Variants in WNK1 observed in about 807,000 individuals in gnomAD.
WNK1 encodes the protein serine/threonine-protein kinase WNK1.
Under a neutral mutation model 222.8 loss-of-function variants are expected in WNK1, and 38 were observed. That is an observed-to-expected ratio of 0.17 (90% CI 0.13 to 0.22). WNK1 has a LOEUF of 0.22. WNK1 is among the 10% of genes least tolerant of loss of function. WNK1 has a pLI of 1.00. For synonymous variants in WNK1, 1,090 were observed against 1,092.9 expected (o/e 1.00, Z 0.05); for missense variants, 2,348 against 2,918.4 (o/e 0.80, Z 4.50).
At chr12:832,215 A>G (rs1396071683) in intron 4 of WNK1, among the ~76,000 whole-genome samples, 2 of 152,084 alleles carry the variant, frequency 1.3e-5, no homozygotes, top group East Asian at 3.9e-4. Context: ...AGCTGGGACT[A>G]CAGGTGCCCG....
At chr12:877,291 TG>T (rs1311317922) in intron 9 of WNK1, among the ~76,000 whole-genome samples, 1 of 152,110 alleles carries the variant, frequency 6.6e-6, no homozygotes, top group Non-Finnish European at 1.5e-5. Flanking sequence ...TCTTGAACTC[TG>T]GACCGCAGGT....
Position 878,242 on chromosome 12 carries a change from C to A in WNK1, c.2254C>A (p.Gln752Lys), listed in dbSNP as rs772348459. The change falls in exon 10 of 28, where the codon CAA (glutamine) becomes AAA (lysine). Residue 752 changes from glutamine (Q) to lysine (K), a missense_variant. Physicochemically the swap from Gln to Lys is moderately conservative, Grantham distance 53 (BLOSUM62 1). Around this residue, in one of 13 missense-constraint regions of WNK1, gnomAD observed 547 missense variants for 558.3 expected, o/e 0.98. Coordinates refer to ENST00000315939, the MANE Select transcript of WNK1 (RefSeq NM_018979.4). Reference sequence around the variant, plus strand: ...GGGAATACAGCAGACAGCCCCTCCTCAACAGACAGTGCAGTATTCACTTTC... The same window carrying A: ...GGGAATACAGCAGACAGCCCCTCCTAAACAGACAGTGCAGTATTCACTTTC... ...QQGIQQTAPP[Q>K]QTVQYSLSQT... The A allele has an allele frequency of 1.9e-5, 30 of 1,614,024 alleles. No individual in the cohort carries two copies. The highest frequency in any genetic ancestry group is 2.4e-5 in the Non-Finnish European group (28 of 1,180,024).
At chr12:810,812 C>A (rs1179076833) in intron 1 of WNK1, among the ~76,000 whole-genome samples, 1 of 152,136 alleles carries the variant, frequency 6.6e-6, no homozygotes, top group African/African-American at 2.4e-5. Context: ...AGTGGATAAT[C>A]TACTGAGCAC....
chr12:903,109 T>G (rs1198955315), intron 26 of WNK1, among the ~76,000 whole-genome samples: 1 of 152,222 alleles, frequency 6.6e-6, no homozygotes, highest in Non-Finnish European at 1.5e-5. Flanking sequence ...AACTGCCATT[T>G]CCCTCACACA....
intron 25 of WNK1, among the ~76,000 whole-genome samples, chr12:898,220 C>T (rs1954909466): frequency 6.6e-6 from 1 of 152,068 alleles, no homozygotes; most frequent in Non-Finnish European, 1.5e-5. Context: ...CACGGTGGCT[C>T]ACGCCTGTAA....
intron 4 of WNK1, among the ~76,000 whole-genome samples, chr12:841,357 T>C (rs1423352102): frequency 1.3e-5 from 2 of 152,364 alleles, no homozygotes; most frequent in Non-Finnish European, 2.9e-5. Context: ...AATGGAATTA[T>C]ACAATAAGTG....
chr12:894,583 C>T lies in WNK1; in HGVS notation c.5531C>T (p.Pro1844Leu). The part of the protein sequence containing the change: ...QKGVSQVKEG[P>L]VLATSSGAGV... Reference sequence around the variant, plus strand: ...TCAGTTTCTCAAGTCAAAGAAGGCCCTGTCCTAGCAACTAGTTCAGGAGCT... The same window carrying T: ...TCAGTTTCTCAAGTCAAAGAAGGCCTTGTCCTAGCAACTAGTTCAGGAGCT... The change falls in exon 23 of 28, where the codon CCT (proline) becomes CTT (leucine). Residue 1844 changes from proline to leucine, a missense_variant. This residue lies in a region of WNK1 where 1,144 missense variants were observed against 1,273.6 expected (regional missense o/e 0.90). Transcript: ENST00000315939. The T allele has an allele frequency of 6.2e-7, 1 of 1,614,000 alleles. No homozygotes were observed. The highest frequency in any genetic ancestry group is 8.5e-7 in the Non-Finnish European group (1 of 1,179,942).
chr12:810,281 T>C (rs991179512), intron 1 of WNK1, among the ~76,000 whole-genome samples: 2 of 152,050 alleles, frequency 1.3e-5, no homozygotes, highest in African/African-American at 4.8e-5. Flanking sequence ...GCCCATGTCT[T>C]GCTAAGTCAG....
chr12:791,225 CCACACACA>C (rs141810227), intron 1 of WNK1, among the ~76,000 whole-genome samples: 8 of 145,186 alleles, frequency 5.5e-5, no homozygotes, highest in Admixed American at 1.4e-4. Context: ...ATTTCTCTCA[CCACACACA>C]CACACACACA....
At chr12:764,754 G>C (rs967258204) in intron 1 of WNK1, among the ~76,000 whole-genome samples, 4 of 146,562 alleles carry the variant, frequency 2.7e-5, no homozygotes, top group African/African-American at 9.8e-5. Context: ...CCTCAGTAAG[G>C]GGGAGGTTGA....
At position 754,318 on chromosome 12, in the gene WNK1, A is replaced by G; in HGVS notation, c.753A>G (p.Glu251=). 2 of 1,612,950 alleles carry G rather than the reference A, an allele frequency of 1.2e-6. No individual in the cohort carries two copies. The highest frequency in any genetic ancestry group is 1.7e-5 in the Admixed American group (1 of 59,984). Residue 251 remains glutamate, a synonymous_variant, in exon 1 of 28, where the codon GAA becomes GAG. Transcript: ENST00000315939. ...CCACCGTGGAAGTCGCCTGGTGTGA[A>G]CTGCAGGTAAAGCCCCACCTACTTT... The part of the protein sequence containing the change: ...TETTVEVAWC[E]LQDRKLTKSE...
chr12:857,301 A>G (rs1311055582), intron 5 of WNK1, 52 bp downstream of exon 5: 8 of 1,492,732 alleles, frequency 5.4e-6, no homozygotes, highest in Middle Eastern at 3.4e-4. Context: ...CTAAAAAGTA[A>G]TGTGCTTTGA....
At chr12:881,411 G>A in intron 12 of WNK1, 1 of 495,918 alleles carries the variant, frequency 2.0e-6, no homozygotes, top group Non-Finnish European at 3.7e-6. Flanking sequence ...GCACACTCTT[G>A]GTAAGATGCT....
chr12:868,803 A>G (rs2154072139), intron 8 of WNK1: 2 of 1,614,040 alleles, frequency 1.2e-6, no homozygotes, highest in East Asian at 4.5e-5. Context: ...CATAATTACC[A>G]TGCCCCAGAA....
In WNK1 at chr12:868,922, T is replaced by C. The variant is rs759112199; in HGVS notation, c.2140-2343T>C. ...TTCTTCAGACCCCAGTGATTTTCAGTCACCTCCCCCTACAGGGGGAGCAGC... is the reference window on the plus strand; with the variant it reads ...TTCTTCAGACCCCAGTGATTTTCAGCCACCTCCCCCTACAGGGGGAGCAGC... On this transcript the variant is annotated intron_variant, in intron 8 of 27. Coordinates refer to ENST00000315939, the MANE Select transcript of WNK1 (RefSeq NM_018979.4). 24 of 1,594,720 alleles carry C rather than the reference T, an allele frequency of 1.5e-5. No homozygotes were observed. Among genetic ancestry groups the C allele is most frequent in the Non-Finnish European group, 1.8e-5 (21 of 1,169,544 alleles).
At chr12:796,209 C>G (rs1276514919) in intron 1 of WNK1, among the ~76,000 whole-genome samples, 1 of 151,920 alleles carries the variant, frequency 6.6e-6, no homozygotes, top group Non-Finnish European at 1.5e-5. Context: ...AGTGGTTGCT[C>G]TTGTGCTTAT....
At chr12:858,304 C>T (rs192691850) in intron 5 of WNK1, among the ~76,000 whole-genome samples, 2 of 151,952 alleles carry the variant, frequency 1.3e-5, no homozygotes, top group East Asian at 1.9e-4. Context: ...ATTCTCCTGT[C>T]TCAGCCTCCT....
chr12:754,815 A>G (rs1939740992), intron 1 of WNK1, among the ~76,000 whole-genome samples: 1 of 152,168 alleles, frequency 6.6e-6, no homozygotes, highest in African/African-American at 2.4e-5. Context: ...TTAGTATAAA[A>G]TAATTATTAA....
rs754008606 is a variant in WNK1, at chr12:881,941, T to C, written c.3240T>C (p.Ser1080=). The C allele has an allele frequency of 6.2e-7, 1 of 1,614,146 alleles. No individual in the cohort carries two copies. The highest frequency in any genetic ancestry group is 8.5e-7 in the Non-Finnish European group (1 of 1,180,032). The change falls in exon 14 of 28, where the codon AGT becomes AGC. Residue 1080 remains serine, a synonymous_variant. Coordinates refer to ENST00000315939, the MANE Select transcript of WNK1 (RefSeq NM_018979.4). ...ATTCAGATGTTGCTTCAGGTATGAGTGATGGCAATGAGAACGTCCCATCTT... is the reference window on the plus strand; with the variant it reads ...ATTCAGATGTTGCTTCAGGTATGAGCGATGGCAATGAGAACGTCCCATCTT... ...SAHSDVASGM[S]DGNENVPSSS...
Sources: allele counts gnomAD v4.1 joint callset (sites outside exome capture counted in the v4.1 genomes callset), GRCh38; gene constraint gnomAD v4.1.1; regional missense constraint gnomAD v4.1.1; transcripts MANE v1.5; gene names NCBI Gene and HGNC (gene_info 2026-07-23, HGNC 2026-07-21).